CD44: variants seen among roughly 807,000 people sequenced by gnomAD.
The protein encoded by CD44 is CD44 molecule (IN blood group), also known as CD44 antigen.
In CD44, 49 loss-of-function variants were observed where a neutral mutation model predicts 88.8. The ratio of observed to expected loss-of-function variants is 0.55; its 90% CI spans 0.44 to 0.70. The LOEUF (loss-of-function observed/expected upper bound fraction) is 0.70. Ranked by LOEUF, CD44 falls within the 30% of genes least tolerant of loss-of-function variation. The pLI is 0.00. For missense variants in CD44, 883 were observed against 913.8 expected (o/e 0.97, Z 0.43); for synonymous variants, 325 against 312.3 (o/e 1.04, Z -0.43).
intron 15 of CD44, 75 bp from the exon 16 acceptor site, chr11:35,219,241 C>T: frequency 9.2e-7 from 1 of 1,089,564 alleles, no homozygotes; most frequent in African/African-American, 1.5e-5. Flanking sequence ...GAGAGCTGCC[C>T]TTTATGCAGC....
At chr11:35,174,817 C>T (rs1026176774) in intron 1 of CD44, among the ~76,000 whole-genome samples, 1 of 152,140 alleles carries the variant, frequency 6.6e-6, no homozygotes, top group Non-Finnish European at 1.5e-5. Context: ...ATAACAAATA[C>T]TTGTTGAGCA....
At chr11:35,189,050 A>G (rs1468772730) in intron 4 of CD44, among the ~76,000 whole-genome samples, 5 of 152,250 alleles carry the variant, frequency 3.3e-5, no homozygotes, top group African/African-American at 1.2e-4. Flanking sequence ...ACACCTGCAT[A>G]GTGAGTGGCC....
rs995956914 is a variant in CD44 at position 35,222,993 on chromosome 11, T to C, written c.2024+1261T>C. ...AACACCATGGGCAGCCCATACAGTCTCTAATTATCTGAGAAAATCAAATGA... is the reference window on the plus strand; with the variant it reads ...AACACCATGGGCAGCCCATACAGTCCCTAATTATCTGAGAAAATCAAATGA... On this transcript the variant is annotated intron_variant, in intron 17 of 17. Coordinates refer to ENST00000428726, the MANE Select transcript of CD44 (RefSeq NM_000610.4). 4 of 985,278 alleles carry C rather than the reference T, an allele frequency of 4.1e-6. No homozygotes were observed. In the African/African-American group the frequency reaches 5.2e-5, roughly 13 times the overall value. The allele number at this position is 985,278 out of a possible 1,614,324, so 61.0% of individuals were successfully genotyped here.
chr11:35,198,008 C>A, intron 6 of CD44, 113 bp from the exon 7 acceptor site: 2 of 1,171,930 alleles, frequency 1.7e-6, no homozygotes, highest in Non-Finnish European at 2.4e-6. Context: ...AACTCCCTCA[C>A]TTTCTTTTAA....
At chr11:35,212,282 A>G (rs1200050845) in intron 14 of CD44, among the ~76,000 whole-genome samples, 6 of 152,218 alleles carry the variant, frequency 3.9e-5, no homozygotes, top group Non-Finnish European at 5.9e-5. Context: ...ATTGCTTTGT[A>G]ACACAATCAC....
intron 1 of CD44, among the ~76,000 whole-genome samples, chr11:35,174,713 A>G (rs949644762): frequency 5.3e-5 from 8 of 152,206 alleles, no homozygotes; most frequent in African/African-American, 1.9e-4. Context: ...TTCATTTTCA[A>G]TGCCATTAAC....
chr11:35,146,197 T>G (rs1250516375), intron 1 of CD44, among the ~76,000 whole-genome samples: 1 of 151,922 alleles, frequency 6.6e-6, no homozygotes, highest in Non-Finnish European at 1.5e-5. Flanking sequence ...CTCAGGTGGG[T>G]GGGGAGGGAC....
intron 5 of CD44, among the ~76,000 whole-genome samples, chr11:35,195,189 A>G (rs1946619034): frequency 6.6e-6 from 1 of 152,294 alleles, no homozygotes; most frequent in South Asian, 2.1e-4. Context: ...TTACAAGGAC[A>G]CCCTCATTTA....
chr11:35,155,335 A>G (rs1234137832), intron 1 of CD44, among the ~76,000 whole-genome samples: 3 of 152,188 alleles, frequency 2.0e-5, no homozygotes, highest in East Asian at 1.9e-4. Context: ...ATTGGTAACA[A>G]TGTGGGCTAC....
At chr11:35,156,539 T>G (rs369760294) in intron 1 of CD44, among the ~76,000 whole-genome samples, 13 of 152,348 alleles carry the variant, frequency 8.5e-5, no homozygotes, top group African/African-American at 3.1e-4. Flanking sequence ...GTGAATTTCC[T>G]GATCATGAGC....
chr11:35,217,703 A>G (rs1262411058), intron 15 of CD44, among the ~76,000 whole-genome samples: 1 of 152,198 alleles, frequency 6.6e-6, no homozygotes, highest in Non-Finnish European at 1.5e-5. Context: ...TGCACAGCCT[A>G]AAGTTTGGCT....
At chr11:35,167,843 C>T (rs1227539479) in intron 1 of CD44, among the ~76,000 whole-genome samples, 1 of 152,212 alleles carries the variant, frequency 6.6e-6, no homozygotes, top group Non-Finnish European at 1.5e-5. Context: ...GAGTCCTCTC[C>T]TAAGAGCCCT....
chr11:35,147,579 T>C (rs1380465831), intron 1 of CD44, among the ~76,000 whole-genome samples: 3 of 151,454 alleles, frequency 2.0e-5, no homozygotes, highest in Admixed American at 6.6e-5. Context: ...TTCCTGGGAA[T>C]GAGGACTCAT....
chr11:35,143,759 A>G (rs77592999), intron 1 of CD44, among the ~76,000 whole-genome samples: 1 of 137,524 alleles, frequency 7.3e-6, no homozygotes, highest in Non-Finnish European at 1.5e-5. Flanking sequence ...GGCCACAGAT[A>G]TCAGAGATGC....
chr11:35,223,030 T>C (rs927508449), intron 17 of CD44: 23 of 985,396 alleles, frequency 2.3e-5, no homozygotes, highest in Non-Finnish European at 2.4e-5. Flanking sequence ...GCTGTTACAA[T>C]AATTACGCTG....
chr11:35,141,738 A>G (rs912196347), intron 1 of CD44, among the ~76,000 whole-genome samples: 1 of 152,218 alleles, frequency 6.6e-6, no homozygotes, highest in Admixed American at 6.5e-5. Flanking sequence ...ATGAAGTGCC[A>G]GTAGCAATAA....
At chr11:35,213,969 C>T (rs1343704595) in intron 14 of CD44, 1 of 151,208 alleles carries the variant, frequency 6.6e-6, no homozygotes, top group African/African-American at 2.4e-5. Context: ...ATAACTGTAG[C>T]CATTTTATGT....
At chr11:35,191,792 G>T (rs1447543692) in intron 5 of CD44, among the ~76,000 whole-genome samples, 1 of 152,108 alleles carries the variant, frequency 6.6e-6, no homozygotes, top group East Asian at 1.9e-4. Context: ...AACCCCTATA[G>T]AATATCTCTT....
chr11:35,175,551 G>T (rs1412580810), intron 1 of CD44, among the ~76,000 whole-genome samples: 1 of 152,226 alleles, frequency 6.6e-6, no homozygotes, highest in Non-Finnish European at 1.5e-5. Flanking sequence ...TGTGTATTCA[G>T]TAAACAAACT....
Sources: allele counts gnomAD v4.1 joint callset (sites outside exome capture counted in the v4.1 genomes callset), GRCh38; gene constraint gnomAD v4.1.1; transcripts MANE v1.5; gene names NCBI Gene and HGNC (gene_info 2026-07-23, HGNC 2026-07-21).